The following STK24 variants were observed in gnomAD, a reference collection of about 807,000 sequenced individuals.
STK24 encodes the protein serine/threonine-protein kinase 24.
Under a neutral mutation model 55.6 loss-of-function variants are expected in STK24, and 21 were observed. That is an observed-to-expected ratio of 0.38 (90% CI 0.27 to 0.54). The LOEUF is 0.54. Ranked by LOEUF, STK24 falls within the 20% of genes least tolerant of loss-of-function variation. The probability of loss-of-function intolerance (pLI) is 0.79; values close to 1 mark genes in which losing one functional copy is unlikely to be tolerated. For missense variants in STK24, 383 were observed against 538.4 expected (o/e 0.71, Z 2.86); for synonymous variants, 200 against 215.2 (o/e 0.93, Z 0.62).
Position 98,446,164 on chromosome 13 carries a change from G to A in STK24, c.*7009C>T, listed in dbSNP as rs371819014. 6.2e-7 allele frequency: 1 copy of A among 1,613,858 alleles called. No homozygotes were observed. Among genetic ancestry groups the A allele is most frequent in the Non-Finnish European group, 8.5e-7 (1 of 1,179,856 alleles). On this transcript the variant is annotated 3_prime_UTR_variant, in exon 11 of 11. Transcript: ENST00000539966. ...CAACGGGTGGCAGAAGCTGTGGGTGGTGTTCACAAACTTCTGCCTGTTCTT... is the reference window on the plus strand; with the variant it reads ...CAACGGGTGGCAGAAGCTGTGGGTGATGTTCACAAACTTCTGCCTGTTCTT...
At chr13:98,528,341 G>A (rs944327586) in intron 1 of STK24, among the ~76,000 whole-genome samples, 2 of 152,070 alleles carry the variant, frequency 1.3e-5, no homozygotes, top group Non-Finnish European at 2.9e-5. Flanking sequence ...CCAGAAGGTG[G>A]GTGTTTTCCT....
intron 9 of STK24, among the ~76,000 whole-genome samples, chr13:98,459,834 C>A (rs1893625444): frequency 6.6e-6 from 1 of 152,334 alleles, no homozygotes; most frequent in African/African-American, 2.4e-5. Flanking sequence ...TCTTATAAAG[C>A]CTACTTTTGA....
Position 98,460,588 on chromosome 13 carries a change from T to C in STK24, c.1054-148A>G, listed in dbSNP as rs1023824004. On this transcript the variant is annotated intron_variant, in intron 8 of 10. Coordinates refer to ENST00000539966, the MANE Select transcript of STK24 (RefSeq NM_001032296.4). The stretch of plus-strand genomic sequence containing the variant: ...AACACCCTCTGCGCACCATAACATC[T>C]GAAGGAGACTATCGGCTGCCTCTCA... The C allele has an allele frequency of 1.4e-5, 9 of 637,048 alleles. No individual in the cohort carries two copies. In the African/African-American group the frequency reaches 1.5e-4, roughly 10 times the overall value. The allele number at this position is 637,048 out of a possible 1,614,324, so 39.5% of individuals were successfully genotyped here.
At chr13:98,492,373 GA>G (rs1372377969) in intron 2 of STK24, among the ~76,000 whole-genome samples, 2 of 152,224 alleles carry the variant, frequency 1.3e-5, no homozygotes, top group Non-Finnish European at 2.9e-5. Context: ...AGTCTAGTGA[GA>G]GGGGCTGGCC....
chr13:98,574,080 C>G (rs9517356), intron 1 of STK24, among the ~76,000 whole-genome samples: 29,210 of 151,906 alleles, frequency 0.19, 2,933 homozygotes, highest in African/African-American at 0.24. Flanking sequence ...GGCACAATCT[C>G]AGCTCAACGC....
chr13:98,576,602 C>G, intron 1 of STK24, 143 bp downstream of exon 1: 1 of 592,652 alleles, frequency 1.7e-6, no homozygotes, highest in Non-Finnish European at 2.5e-6. Flanking sequence ...GGACTCGGAC[C>G]CCCGGCCGAG....
intron 9 of STK24, 54 bp from the exon 10 acceptor site, chr13:98,457,358 G>A (rs1240333086): frequency 1.2e-6 from 2 of 1,611,970 alleles, no homozygotes; most frequent in African/African-American, 2.7e-5. Context: ...TGCAAAACTG[G>A]GAAGCATGCT....
intron 2 of STK24, among the ~76,000 whole-genome samples, chr13:98,484,581 G>A (rs555187817): frequency 1.3e-5 from 2 of 152,206 alleles, no homozygotes; most frequent in African/African-American, 2.4e-5. Flanking sequence ...CCACCCCCTC[G>A]TCCTTCTGCA....
At chr13:98,470,887 G>A (rs1894118588) in intron 5 of STK24, among the ~76,000 whole-genome samples, 1 of 152,238 alleles carries the variant, frequency 6.6e-6, no homozygotes, top group Non-Finnish European at 1.5e-5. Flanking sequence ...CTAAATCACA[G>A]CTGTAATCAA....
chr13:98,499,237 CA>C (rs138759745), intron 2 of STK24, among the ~76,000 whole-genome samples: 12 of 147,368 alleles, frequency 8.1e-5, no homozygotes, highest in Non-Finnish European at 9.0e-5. Context: ...GACTCTATCT[CA>C]AAAAAAAAAA....
At chr13:98,483,209 G>A (rs993312956) in intron 2 of STK24, among the ~76,000 whole-genome samples, 4 of 152,230 alleles carry the variant, frequency 2.6e-5, no homozygotes, top group Non-Finnish European at 5.9e-5. Context: ...AGGGGCCCGG[G>A]CAGCTGTCTC....
chr13:98,523,490 T>G lies in STK24; in HGVS notation c.43-4017A>C, dbSNP rs143105139. 9.5e-4 allele frequency among the ~76,000 whole-genome samples: 145 copies of G among 152,300 alleles called. 1 individual carries two copies. The highest frequency in any genetic ancestry group is 3.3e-3 in the African/African-American group (138 of 41,546). On this transcript the variant is annotated intron_variant, in intron 1 of 10. Coordinates refer to ENST00000539966, the MANE Select transcript of STK24 (RefSeq NM_001032296.4). The stretch of plus-strand genomic sequence containing the variant: ...CTGGCCCTTGAACCTGGGCTAGTCT[T>G]GCTCTGTGTTCTGATGAACATAATC...
rs1892844506 is a variant in STK24, at chr13:98,446,498, C to T, written c.*6675G>A. The T allele has an allele frequency of 1.6e-5, 11 of 679,014 alleles. No individual in the cohort carries two copies. Among genetic ancestry groups the T allele is most frequent in the South Asian group, 9.3e-5 (5 of 53,966 alleles). 42.1% of individuals were successfully genotyped at this position (679,014 alleles called of 1,614,324 possible). A position where few individuals can be genotyped will look rare whatever the true frequency, so the allele number is the denominator to read the frequency against. ...CTCAGTCCTGGCGGGACTTGCCACCCGGGCCATCACGTACAGGCAAACACT... is the reference window on the plus strand; with the variant it reads ...CTCAGTCCTGGCGGGACTTGCCACCTGGGCCATCACGTACAGGCAAACACT... On this transcript the variant is annotated 3_prime_UTR_variant, in exon 11 of 11. Transcript: ENST00000539966.
chr13:98,543,788 A>G (rs1335614539), intron 1 of STK24, among the ~76,000 whole-genome samples: 2 of 152,158 alleles, frequency 1.3e-5, no homozygotes, highest in African/African-American at 2.4e-5. Flanking sequence ...GCCGGTCATC[A>G]ATGGCTTCTA....
chr13:98,507,639 C>G (rs1204454342), intron 2 of STK24, among the ~76,000 whole-genome samples: 1 of 152,170 alleles, frequency 6.6e-6, no homozygotes, highest in Non-Finnish European at 1.5e-5. Context: ...CTGCAAATAA[C>G]TTAAAAGACA....
chr13:98,542,366 T>A (rs1896913220), intron 1 of STK24, among the ~76,000 whole-genome samples: 1 of 151,736 alleles, frequency 6.6e-6, no homozygotes, highest in Non-Finnish European at 1.5e-5. Context: ...AAACAATACA[T>A]TCATCCTATG....
intron 1 of STK24, among the ~76,000 whole-genome samples, chr13:98,540,188 C>T (rs1896849616): frequency 6.6e-6 from 1 of 152,162 alleles, no homozygotes; most frequent in African/African-American, 2.4e-5. Flanking sequence ...AAAGTAGATG[C>T]AGAATTGTCC....
At chr13:98,467,076 G>A (rs1412626578) in intron 5 of STK24, among the ~76,000 whole-genome samples, 2 of 152,208 alleles carry the variant, frequency 1.3e-5, no homozygotes, top group Non-Finnish European at 2.9e-5. Context: ...CTGTAGAATG[G>A]AGGTGGAAGA....
chr13:98,540,806 G>A (rs1429438539), intron 1 of STK24, among the ~76,000 whole-genome samples: 2 of 145,420 alleles, frequency 1.4e-5, no homozygotes, highest in African/African-American at 5.1e-5. Context: ...ATACAAAGCT[G>A]GAATATAACA....
Sources: gnomAD v4.1 joint callset for allele counts (sites outside exome capture counted in the v4.1 genomes callset) on GRCh38, gnomAD v4.1.1 for gene constraint, MANE v1.5 for transcripts, NCBI Gene and HGNC (gene_info 2026-07-23, HGNC 2026-07-21) for gene names.